CSMD2: variants seen among roughly 807,000 people sequenced by gnomAD.
CSMD2 encodes the protein CUB and Sushi multiple domains 2, also known as CUB and sushi domain-containing protein 2.
Under a neutral mutation model 398.5 loss-of-function variants are expected in CSMD2, and 130 were observed. The observed-to-expected ratio is 0.33, with a 90% CI of 0.28 to 0.38. The LOEUF (loss-of-function observed/expected upper bound fraction) is 0.38, where lower values mean the gene tolerates loss of function less well. Ranked by LOEUF, CSMD2 falls within the 10% of genes least tolerant of loss-of-function variation. The pLI is 1.00. For synonymous variants in CSMD2, 1,828 were observed against 1,908.5 expected (o/e 0.96, Z 1.10); for missense variants, 3,829 against 4,764.9 (o/e 0.80, Z 5.78).
chr1:33,941,956 C>A (rs1644688897), intron 3 of CSMD2, among the ~76,000 whole-genome samples: 1 of 152,044 alleles, frequency 6.6e-6, no homozygotes, highest in Admixed American at 6.5e-5. Flanking sequence ...TTAGTCTCAC[C>A]TTGCTACAGT....
intron 6 of CSMD2, among the ~76,000 whole-genome samples, chr1:33,845,424 G>A (rs1377346701): frequency 1.3e-5 from 2 of 152,264 alleles, no homozygotes; most frequent in Admixed American, 1.3e-4. Context: ...AGACTGCCAG[G>A]CTTGGGTTCT....
At position 33,567,577 on chromosome 1, in the gene CSMD2, T is replaced by C. The variant is rs1364921076; in HGVS notation, c.8380+16A>G. On this transcript the variant is annotated intron_variant, in intron 53 of 70. Transcript: ENST00000373381. Reference sequence around the variant, plus strand: ...ATCTGAGCCCCATGACTAGGGAGAGTGGATGACATACTTACGCACACAGAA... The same window carrying C: ...ATCTGAGCCCCATGACTAGGGAGAGCGGATGACATACTTACGCACACAGAA... 1 of 1,611,280 alleles carries C rather than the reference T, an allele frequency of 6.2e-7. No individual in the cohort carries two copies. The highest frequency in any genetic ancestry group is 1.1e-5 in the South Asian group (1 of 90,944).
At chr1:33,944,945 C>T (rs1257483242) in intron 3 of CSMD2, among the ~76,000 whole-genome samples, 2 of 152,122 alleles carry the variant, frequency 1.3e-5, no homozygotes, top group Non-Finnish European at 2.9e-5. Flanking sequence ...TTCAGAGTTC[C>T]TCTCCTTGCC....
At chr1:34,140,302 A>AAAAT (rs1207570760) in intron 1 of CSMD2, among the ~76,000 whole-genome samples, 5 of 96,374 alleles carry the variant, frequency 5.2e-5, no homozygotes, top group Non-Finnish European at 1.3e-4. Flanking sequence ...GCAAAAAAAC[A>AAAAT]AACAAACAAA....
intron 25 of CSMD2, among the ~76,000 whole-genome samples, chr1:33,665,823 C>T (rs1644291779): frequency 6.6e-6 from 1 of 152,138 alleles, no homozygotes; most frequent in African/African-American, 2.4e-5. Flanking sequence ...CACACTTTGC[C>T]TACCAAAACA....
chr1:34,055,870 C>CTCTT (rs1653773094), intron 2 of CSMD2, among the ~76,000 whole-genome samples: 1 of 152,196 alleles, frequency 6.6e-6, no homozygotes, highest in Non-Finnish European at 1.5e-5. Flanking sequence ...AAAATCCCAA[C>CTCTT]TCTTTAATCA....
intron 3 of CSMD2, among the ~76,000 whole-genome samples, chr1:34,030,523 T>C (rs1053115460): frequency 1.3e-5 from 2 of 152,188 alleles, no homozygotes; most frequent in Non-Finnish European, 2.9e-5. Flanking sequence ...TAGAAAAAGA[T>C]ATACCCACCC....
chr1:33,933,081 T>C (rs1280070519), intron 4 of CSMD2, among the ~76,000 whole-genome samples: 1 of 152,238 alleles, frequency 6.6e-6, no homozygotes, highest in Non-Finnish European at 1.5e-5. Flanking sequence ...TTAAGTCATT[T>C]GCATTGCTAA....
In CSMD2 at chr1:33,622,238, G is replaced by C. The variant is rs2148875516; in HGVS notation, c.5756C>G (p.Ser1919Cys). The change falls in exon 37 of 71, where the codon TCC becomes TGC. Residue 1919 changes from serine to cysteine, a missense_variant. This residue lies in a region of CSMD2 where 2,001 missense variants were observed against 2,567.1 expected (regional missense o/e 0.78). Coordinates refer to ENST00000373381, the MANE Select transcript of CSMD2 (RefSeq NM_001281956.2). ...GTAGAAATGAAGGTAGAGCTGGTTG[G>C]AGGTGCTGTTCAGAAGGGCAGGCAC... The part of the protein sequence containing the change: ...TTVPALLNST[S>C]NQLYLHFYSD... 1.2e-6 allele frequency: 2 copies of C among 1,614,128 alleles called. No individual in the cohort carries two copies. Among genetic ancestry groups the C allele is most frequent in the Middle Eastern group, 1.7e-4 (1 of 6,056 alleles).
intron 15 of CSMD2, among the ~76,000 whole-genome samples, chr1:33,727,167 C>T (rs757124414): frequency 1.3e-5 from 2 of 152,218 alleles, no homozygotes; most frequent in Non-Finnish European, 2.9e-5. Context: ...AATTGTGTTA[C>T]ACAACTGGGT....
chr1:34,044,555 C>T (rs1262657395), intron 2 of CSMD2, among the ~76,000 whole-genome samples: 3 of 151,232 alleles, frequency 2.0e-5, no homozygotes, highest in Non-Finnish European at 4.4e-5. Flanking sequence ...AGCCATGAGG[C>T]TGCTGACACT....
intron 1 of CSMD2, among the ~76,000 whole-genome samples, chr1:34,104,349 C>T (rs756198268): frequency 1.3e-5 from 2 of 152,154 alleles, no homozygotes; most frequent in South Asian, 2.1e-4. Flanking sequence ...ATCATGTTGT[C>T]TACAAATAAT....
At chr1:34,144,729 G>C (rs1046805612) in intron 1 of CSMD2, among the ~76,000 whole-genome samples, 2 of 152,218 alleles carry the variant, frequency 1.3e-5, no homozygotes, top group African/African-American at 2.4e-5. Context: ...GAGAGGGGAA[G>C]TAAGGGAGGG....
intron 40 of CSMD2, among the ~76,000 whole-genome samples, chr1:33,612,968 A>G (rs894613245): frequency 6.6e-6 from 1 of 152,246 alleles, no homozygotes; most frequent in African/African-American, 2.4e-5. Context: ...CCCCTCATAT[A>G]GGAGCCCTGC....
rs142726688 is a variant in CSMD2 at position 33,948,490 on chromosome 1, C to T, written c.518-12536G>A. 1.4e-4 allele frequency among the ~76,000 whole-genome samples: 21 copies of T among 152,258 alleles called. No individual in the cohort carries two copies. The East Asian group carries it at 3.3e-3, about 24-fold the overall frequency. ...GTACATTCTCATACACATAAACATGCATATATAAAAACAGGCAAATTCAGG... is the reference window on the plus strand; with the variant it reads ...GTACATTCTCATACACATAAACATGTATATATAAAAACAGGCAAATTCAGG... On this transcript the variant is annotated intron_variant, in intron 3 of 70. Transcript: ENST00000373381.
chr1:33,692,267 C>G (rs530888858), intron 25 of CSMD2, among the ~76,000 whole-genome samples: 13 of 152,310 alleles, frequency 8.5e-5, no homozygotes, highest in African/African-American at 3.1e-4. Flanking sequence ...ATTTTGATGG[C>G]ATACCTATTT....
chr1:34,164,973 G>T lies in CSMD2; in HGVS notation c.125C>A (p.Pro42Gln). The change falls in exon 1 of 71, where the codon CCA becomes CAA. Residue 42 changes from proline to glutamine, a missense_variant. Pro to Gln is a moderately conservative substitution (Grantham distance 76). Coordinates refer to ENST00000373381, the MANE Select transcript of CSMD2 (RefSeq NM_001281956.2). This position sits in a 1 kb window ranked among gnomAD's most constrained non-coding sequence, Gnocchi z 6.2. Reference protein sequence around the residue: ...AGSRWGRPPPPTPPPLLLLLG... With the variant: ...AGSRWGRPPPQTPPPLLLLLG... ...CAACAGCAGCAGAGGCGGCGGCGTT[G>T]GCGGCGGCGGGCGGCCCCAGCGGCT... is the stretch of plus-strand genomic sequence containing the variant. 1 of 1,211,724 alleles carries T rather than the reference G, an allele frequency of 8.3e-7. No individual in the cohort carries two copies. Among genetic ancestry groups the T allele is most frequent in the East Asian group, 3.4e-5 (1 of 29,644 alleles). 75.1% of individuals were successfully genotyped at this position (1,211,724 alleles called of 1,614,324 possible). A position where few individuals can be genotyped will look rare whatever the true frequency, so the allele number is the denominator to read the frequency against.
rs112990781 is a variant in CSMD2 at position 33,516,317 on chromosome 1, T to TACACACACACACACAC, written c.*291_*306dup. The TACACACACACACACAC allele has an allele frequency of 6.6e-6, 1 of 150,544 alleles. No individual in the cohort carries two copies. The highest frequency in any genetic ancestry group is 1.5e-5 in the Non-Finnish European group (1 of 67,510). The allele number at this position is 150,544 out of a possible 1,614,324, so 9.3% of individuals were successfully genotyped here. ...GTGTGTTTGTGTGTGATCAGGCCCA[T>TACACACACACACACAC]ACACACACACACACACACAGATCCA... is the stretch of plus-strand genomic sequence containing the variant. On this transcript the variant is annotated 3_prime_UTR_variant, in exon 71 of 71. Coordinates refer to ENST00000373381, the MANE Select transcript of CSMD2 (RefSeq NM_001281956.2).
intron 2 of CSMD2, among the ~76,000 whole-genome samples, chr1:34,045,458 G>GA (rs1335151433): frequency 2.6e-5 from 4 of 152,192 alleles, no homozygotes; most frequent in Non-Finnish European, 5.9e-5. Flanking sequence ...GATATCTGCT[G>GA]AAAAAACCCA....
Sources: gnomAD v4.1 joint callset for allele counts (sites outside exome capture counted in the v4.1 genomes callset) on GRCh38, gnomAD v4.1.1 for gene constraint, gnomAD v4.1.1 regional missense constraint, Gnocchi (gnomAD v3.1) non-coding constraint, MANE v1.5 for transcripts, NCBI Gene and HGNC (gene_info 2026-07-23, HGNC 2026-07-21) for gene names.